The following DOK6 variants were observed in gnomAD, a reference collection of about 807,000 sequenced individuals.
DOK6 encodes the protein downstream of tyrosine kinase 6.
Under a neutral mutation model 44.0 loss-of-function variants are expected in DOK6, and 22 were observed. The observed-to-expected ratio is 0.50, with a 90% CI of 0.36 to 0.71. DOK6 has a LOEUF of 0.71. DOK6 is among the 30% of genes least tolerant of loss of function. The pLI is 0.00. For missense variants in DOK6, 340 were observed against 416.4 expected (o/e 0.82, Z 1.60); for synonymous variants, 166 against 145.5 (o/e 1.14, Z -1.01).
intron 3 of DOK6, among the ~76,000 whole-genome samples, chr18:69,620,405 T>G (rs1984413070): frequency 6.6e-6 from 1 of 152,204 alleles, no homozygotes; most frequent in African/African-American, 2.4e-5. Flanking sequence ...GTCAATTCAC[T>G]CAAAGCTTGC....
chr18:69,820,350 A>C (rs1263321797), intron 7 of DOK6, among the ~76,000 whole-genome samples: 4 of 152,194 alleles, frequency 2.6e-5, no homozygotes. Context: ...TCTCTGTAAA[A>C]TAGCAAGTGT....
At chr18:69,713,357 A>G (rs1353016045) in intron 5 of DOK6, among the ~76,000 whole-genome samples, 2 of 152,246 alleles carry the variant, frequency 1.3e-5, no homozygotes, top group African/African-American at 2.4e-5. Flanking sequence ...TTATACCAAA[A>G]TAGCATTAAA....
At chr18:69,681,388 T>C (rs966864959) in intron 4 of DOK6, among the ~76,000 whole-genome samples, 1 of 152,138 alleles carries the variant, frequency 6.6e-6, no homozygotes, top group Non-Finnish European at 1.5e-5. Context: ...TTTTTAAAGG[T>C]GAAAGATAAT....
At chr18:69,719,061 T>C (rs1210542539) in intron 5 of DOK6, among the ~76,000 whole-genome samples, 1 of 152,206 alleles carries the variant, frequency 6.6e-6, no homozygotes, top group African/African-American at 2.4e-5. Flanking sequence ...AATGGGTTCT[T>C]GCTCTTGGCA....
rs1449369319 is a variant in DOK6 at position 69,848,640 on chromosome 18, T to C, written c.*7257T>C. ...GATTTTTCCCCTTGGTAAAAATACA[T>C]GAAATACATAATTGAAAAATTACCT... is the stretch of plus-strand genomic sequence containing the variant. On this transcript the variant is annotated 3_prime_UTR_variant, in exon 8 of 8. Transcript: ENST00000382713. The C allele has an allele frequency of 6.6e-6, 1 of 152,226 alleles. No homozygotes were observed. The highest frequency in any genetic ancestry group is 2.4e-5 in the African/African-American group (1 of 41,464). 9.4% of individuals were successfully genotyped at this position (152,226 alleles called of 1,614,324 possible). A position where few individuals can be genotyped will look rare whatever the true frequency, so the allele number is the denominator to read the frequency against.
Position 69,843,606 on chromosome 18 carries a change from T to A in DOK6, c.*2223T>A, listed in dbSNP as rs1982284051. On this transcript the variant is annotated 3_prime_UTR_variant, in exon 8 of 8. Transcript: ENST00000382713. ...GGAGGGATTCTGCTAATCAGATGAG[T>A]CTGCTCTTGTGTCTCTTTCTTAGGA... The A allele has an allele frequency of 6.6e-6, 1 of 152,174 alleles. No homozygotes were observed. Among genetic ancestry groups the A allele is most frequent in the African/African-American group, 2.4e-5 (1 of 41,444 alleles). The allele number at this position is 152,174 out of a possible 1,614,324, so 9.4% of individuals were successfully genotyped here.
intron 7 of DOK6, among the ~76,000 whole-genome samples, chr18:69,824,438 GGCTCAAGCAATCCTCCTGC>G (rs142337573): frequency 0.26 from 39,213 of 150,966 alleles, 5,087 homozygotes; most frequent in Non-Finnish European, 0.27. Context: ...CCTCCTCCTG[GGCTCAAGCAATCCTCCTGC>G]GCTCAAGCAA....
At chr18:69,751,234 A>G (rs1979167516) in intron 6 of DOK6, among the ~76,000 whole-genome samples, 1 of 152,222 alleles carries the variant, frequency 6.6e-6, no homozygotes, top group Non-Finnish European at 1.5e-5. Flanking sequence ...TTTCAAAATT[A>G]CCAAGTAAAT....
At chr18:69,765,038 T>C (rs1158273433) in intron 7 of DOK6, among the ~76,000 whole-genome samples, 1 of 152,178 alleles carries the variant, frequency 6.6e-6, no homozygotes, top group Non-Finnish European at 1.5e-5. Flanking sequence ...CAATTAGAAT[T>C]AGAGATAACC....
intron 3 of DOK6, among the ~76,000 whole-genome samples, chr18:69,656,217 C>A (rs535477381): frequency 6.6e-6 from 1 of 152,054 alleles, no homozygotes; most frequent in East Asian, 1.9e-4. Flanking sequence ...AGAAAAGCAA[C>A]AGTCAAGATA....
At chr18:69,477,138 T>C (rs1187606740) in intron 1 of DOK6, among the ~76,000 whole-genome samples, 2 of 152,214 alleles carry the variant, frequency 1.3e-5, no homozygotes, top group Non-Finnish European at 2.9e-5. Flanking sequence ...GTGCTTTATA[T>C]GACAATCCCA....
chr18:69,429,717 G>A (rs1978753018), intron 1 of DOK6, among the ~76,000 whole-genome samples: 1 of 145,174 alleles, frequency 6.9e-6, no homozygotes, highest in African/African-American at 2.5e-5. Context: ...CTCTAATGCA[G>A]TGTCTGTAAT....
intron 1 of DOK6, among the ~76,000 whole-genome samples, chr18:69,540,355 A>G (rs1982236432): frequency 6.6e-6 from 1 of 152,158 alleles, no homozygotes; most frequent in Non-Finnish European, 1.5e-5. Context: ...TTTAATATAT[A>G]TTTGGTCTCC....
chr18:69,497,994 A>G (rs1053683809), intron 1 of DOK6, among the ~76,000 whole-genome samples: 16 of 117,444 alleles, frequency 1.4e-4, no homozygotes, highest in African/African-American at 4.9e-4. Context: ...TGTCTCCAAA[A>G]AAAGAAAAAA....
chr18:69,638,853 C>A (rs1417015026), intron 3 of DOK6, among the ~76,000 whole-genome samples: 1 of 152,100 alleles, frequency 6.6e-6, no homozygotes, highest in African/African-American at 2.4e-5. Flanking sequence ...AGTATAACCT[C>A]ACAAGAGAAA....
At position 69,756,192 on chromosome 18, in the gene DOK6, G is replaced by C. The variant is rs752338606; in HGVS notation, c.739-1564G>C. Among the ~76,000 whole-genome samples the C allele has an allele frequency of 3.9e-5, 6 of 152,244 alleles. No homozygotes were observed. The East Asian group carries it at 1.2e-3, about 29-fold the overall frequency. Reference sequence around the variant, plus strand: ...CCGGGGAGCCTTCCTTATCTGCCTAGCCATTTCACCGTCTCCTGCCGTTAT... The same window carrying C: ...CCGGGGAGCCTTCCTTATCTGCCTACCCATTTCACCGTCTCCTGCCGTTAT... On this transcript the variant is annotated intron_variant, in intron 6 of 7. Coordinates refer to ENST00000382713, the MANE Select transcript of DOK6 (RefSeq NM_152721.6).
At chr18:69,566,067 T>A (rs1300114362) in intron 2 of DOK6, among the ~76,000 whole-genome samples, 1 of 152,220 alleles carries the variant, frequency 6.6e-6, no homozygotes, top group Non-Finnish European at 1.5e-5. Context: ...TGCCTGCTGG[T>A]TAGTGACATA....
chr18:69,717,603 C>CAG (rs368094508), intron 5 of DOK6, among the ~76,000 whole-genome samples: 4 of 152,212 alleles, frequency 2.6e-5, no homozygotes, highest in African/African-American at 9.6e-5. Context: ...TAGTCACAGG[C>CAG]AGAGAGAGAG....
intron 3 of DOK6, among the ~76,000 whole-genome samples, chr18:69,611,782 A>G (rs1446260572): frequency 6.6e-6 from 1 of 152,186 alleles, no homozygotes; most frequent in Non-Finnish European, 1.5e-5. Context: ...AATTTTAGAA[A>G]TGGAGGACAG....
Sources: allele counts gnomAD v4.1 joint callset (sites outside exome capture counted in the v4.1 genomes callset), GRCh38; gene constraint gnomAD v4.1.1; transcripts MANE v1.5; gene names NCBI Gene and HGNC (gene_info 2026-07-23, HGNC 2026-07-21).